The following NBEAL1 variants were observed in gnomAD, a reference collection of about 807,000 sequenced individuals.
The protein encoded by NBEAL1 is neurobeachin-like protein 1.
A neutral mutation model predicts 351.3 loss-of-function variants in NBEAL1; 273 were observed. The ratio of observed to expected loss-of-function variants is 0.78; its 90% confidence interval spans 0.70 to 0.86. The LOEUF (loss-of-function observed/expected upper bound fraction) is 0.86. NBEAL1 is among the 40% of genes least tolerant of loss of function. The probability of loss-of-function intolerance (pLI) is 0.00; values close to 1 mark genes in which losing one functional copy is unlikely to be tolerated. For synonymous variants in NBEAL1, 1,050 were observed against 1,086.4 expected (o/e 0.97, Z 0.66); for missense variants, 2,961 against 3,201.3 (o/e 0.92, Z 1.81).
At chr2:203,164,348 A>G (rs2064064512) in intron 36 of NBEAL1, among the ~76,000 whole-genome samples, 1 of 151,720 alleles carries the variant, frequency 6.6e-6, no homozygotes, top group African/African-American at 2.4e-5. Context: ...TTTTTTTTAG[A>G]TTTCCTTTAT....
At chr2:203,049,464 A>G (rs2061288168) in intron 3 of NBEAL1, among the ~76,000 whole-genome samples, 2 of 152,212 alleles carry the variant, frequency 1.3e-5, no homozygotes, top group Admixed American at 6.5e-5. Flanking sequence ...TTTAGTATAC[A>G]TAGTATTTTT....
chr2:203,133,493 A>G (rs1204718880), intron 27 of NBEAL1, among the ~76,000 whole-genome samples: 2 of 151,906 alleles, frequency 1.3e-5, no homozygotes, highest in Non-Finnish European at 2.9e-5. Context: ...AACTTTCTGG[A>G]AATAATTTTC....
chr2:203,150,607 G>C (rs1459248966), intron 34 of NBEAL1, among the ~76,000 whole-genome samples: 3 of 151,288 alleles, frequency 2.0e-5, no homozygotes, highest in African/African-American at 7.3e-5. Context: ...TGTTTTTTTG[G>C]GTTTTTTTGG....
At chr2:203,136,572 T>C in intron 28 of NBEAL1, 27 bp from the exon 29 acceptor site, 1 of 1,534,728 alleles carries the variant, frequency 6.5e-7, no homozygotes, top group Non-Finnish European at 9.0e-7. Context: ...CCTCTAGTTA[T>C]TTAAAATTAC....
chr2:203,119,988 G>A (rs2106267347), intron 18 of NBEAL1, among the ~76,000 whole-genome samples: 1 of 152,156 alleles, frequency 6.6e-6, no homozygotes, highest in East Asian at 1.9e-4. Context: ...CTTATTGAAT[G>A]TCTTCTTAGT....
At chr2:203,032,781 C>CA (rs1255673682) in intron 2 of NBEAL1, among the ~76,000 whole-genome samples, 2 of 143,262 alleles carry the variant, frequency 1.4e-5, no homozygotes, top group Non-Finnish European at 3.0e-5. Context: ...TCTCCTGCCT[C>CA]AGCCTCCCGA....
chr2:203,014,661 G>C (rs1272239636), upstream of NBEAL1: 1 of 152,304 alleles, frequency 6.6e-6, no homozygotes, highest in Non-Finnish European at 1.5e-5. Context: ...CGCGGCCGGC[G>C]CCCGCCAAGG....
At chr2:203,048,359 C>T (rs994057640) in intron 3 of NBEAL1, among the ~76,000 whole-genome samples, 1 of 131,288 alleles carries the variant, frequency 7.6e-6, no homozygotes, top group Non-Finnish European at 1.6e-5. Flanking sequence ...TCCAGCCTGG[C>T]AACACAGCGA....
chr2:203,020,982 C>T (rs1229975804), intron 2 of NBEAL1, among the ~76,000 whole-genome samples: 3 of 151,968 alleles, frequency 2.0e-5, no homozygotes, highest in Non-Finnish European at 4.4e-5. Context: ...GTGCAGTGGC[C>T]CAATCTCAGC....
At chr2:203,152,638 C>T (rs575147503) in intron 35 of NBEAL1, among the ~76,000 whole-genome samples, 16 of 151,926 alleles carry the variant, frequency 1.1e-4, no homozygotes, top group Middle Eastern at 3.4e-3. Context: ...CAGATCTTAA[C>T]GGGTTTCTGC....
In NBEAL1 at chr2:203,108,110, G is replaced by T; in HGVS notation, c.1871G>T (p.Ser624Ile). The change falls in exon 14 of 56, where the codon AGT becomes ATT. Residue 624 changes from serine (S) to isoleucine (I), a missense_variant. Physicochemically the swap from Ser to Ile is moderately radical, Grantham distance 142 (BLOSUM62 -2). Coordinates refer to ENST00000683969, the MANE Select transcript of NBEAL1 (RefSeq NM_001378026.1). ...QKWPGSAFSF[S>I]AWFCLDQDQL... ...TGGCCAGGGTCTGCCTTTTCTTTCAGTGCTTGGTTTTGCTTAGACCAGGAT... is the reference window on the plus strand; with the variant it reads ...TGGCCAGGGTCTGCCTTTTCTTTCATTGCTTGGTTTTGCTTAGACCAGGAT... 1 of 1,552,152 alleles carries T rather than the reference G, an allele frequency of 6.4e-7. No homozygotes were observed. The highest frequency in any genetic ancestry group is 1.2e-5 in the South Asian group (1 of 84,092).
intron 18 of NBEAL1, among the ~76,000 whole-genome samples, chr2:203,118,981 A>G (rs1295804242): frequency 7.1e-6 from 1 of 141,214 alleles, no homozygotes. Flanking sequence ...TTTTTTTTTT[A>G]CCATTGAAAG....
intron 7 of NBEAL1, among the ~76,000 whole-genome samples, chr2:203,071,420 C>G (rs2061679820): frequency 6.6e-6 from 1 of 152,140 alleles, no homozygotes; most frequent in South Asian, 2.1e-4. Context: ...CCTCATTTAA[C>G]TTTAATCACT....
chr2:203,167,458 A>C, intron 38 of NBEAL1, 98 bp downstream of exon 38: 1 of 1,227,002 alleles, frequency 8.1e-7, no homozygotes, highest in Non-Finnish European at 1.1e-6. Flanking sequence ...TCTTTTATCA[A>C]GACAAAATGT....
At chr2:203,183,633 T>C (rs1379858490) in intron 44 of NBEAL1, among the ~76,000 whole-genome samples, 2 of 152,178 alleles carry the variant, frequency 1.3e-5, no homozygotes, top group East Asian at 3.8e-4. Flanking sequence ...ATTTCAGCTC[T>C]GTAAAATGTC....
At chr2:203,025,632 A>G (rs2060844917) in intron 2 of NBEAL1, among the ~76,000 whole-genome samples, 1 of 152,176 alleles carries the variant, frequency 6.6e-6, no homozygotes, top group South Asian at 2.1e-4. Context: ...AAGAACTCCA[A>G]AACTCTCATC....
chr2:203,132,236 T>A (rs1054167099), intron 26 of NBEAL1, 104 bp downstream of exon 26: 3 of 752,522 alleles, frequency 4.0e-6, no homozygotes, highest in Non-Finnish European at 6.3e-6. Context: ...GTTATTTGAT[T>A]CAGCAGGGCC....
intron 53 of NBEAL1, among the ~76,000 whole-genome samples, chr2:203,209,851 T>A (rs1292546418): frequency 6.6e-6 from 1 of 152,002 alleles, no homozygotes; most frequent in Non-Finnish European, 1.5e-5. Context: ...TGGGCTTATG[T>A]GATACTTCTG....
intron 3 of NBEAL1, among the ~76,000 whole-genome samples, chr2:203,042,359 G>A (rs1290678226): frequency 2.0e-5 from 3 of 152,222 alleles, no homozygotes; most frequent in African/African-American, 7.2e-5. Context: ...GTGTGGAAGG[G>A]TCTGGAGGCA....
Sources: allele counts gnomAD v4.1 joint callset (sites outside exome capture counted in the v4.1 genomes callset), GRCh38; gene constraint gnomAD v4.1.1; transcripts MANE v1.5; gene names NCBI Gene and HGNC (gene_info 2026-07-23, HGNC 2026-07-21).